Variants in MRPS28 observed in about 807,000 individuals in gnomAD.
MRPS28 encodes the protein mitochondrial ribosomal protein S28, also known as small ribosomal subunit protein bS1m.
In MRPS28, 7 loss-of-function variants were observed where a neutral mutation model predicts 10.8. That is an observed-to-expected ratio of 0.65 (90% CI 0.37 to 1.22). The LOEUF (loss-of-function observed/expected upper bound fraction) is 1.22. Among genes scored for constraint, MRPS28 ranks in the 50% most tolerant of loss-of-function variants. The pLI, the probability that MRPS28 is intolerant of heterozygous loss-of-function variation, is 0.02. For synonymous variants in MRPS28, 121 were observed against 93.3 expected (o/e 1.30, Z -1.71); for missense variants, 265 against 232.9 (o/e 1.14, Z -0.90).
intron 1 of MRPS28, among the ~76,000 whole-genome samples, chr8:80,011,137 T>TTA (rs1563542259): frequency 1.4e-5 from 2 of 147,228 alleles, no homozygotes; most frequent in African/African-American, 5.2e-5. Context: ...ATTTTTTTAT[T>TTA]TTTATTTTTT....
chr8:79,982,228 C>G (rs1037522985), intron 2 of MRPS28, among the ~76,000 whole-genome samples: 2 of 152,172 alleles, frequency 1.3e-5, no homozygotes, highest in Admixed American at 6.5e-5. Flanking sequence ...GCCTGGGCAA[C>G]TGAGTGAGAC....
chr8:79,961,191 G>A (rs561134756), intron 2 of MRPS28, among the ~76,000 whole-genome samples: 1 of 152,232 alleles, frequency 6.6e-6, no homozygotes, highest in Admixed American at 6.5e-5. Context: ...TGATATCAGA[G>A]ATCTCTACTT....
At chr8:79,996,875 G>A (rs1227361411) in intron 2 of MRPS28, among the ~76,000 whole-genome samples, 1 of 152,188 alleles carries the variant, frequency 6.6e-6, no homozygotes, top group African/African-American at 2.4e-5. Flanking sequence ...ACAGCGGGGT[G>A]AAAAGAAAAT....
chr8:80,029,714 A>G (rs955381247), intron 1 of MRPS28: 16 of 1,411,126 alleles, frequency 1.1e-5, no homozygotes, highest in Non-Finnish European at 1.4e-5. Flanking sequence ...TTAGCGTCCC[A>G]GGAATCGCCC....
intron 2 of MRPS28, among the ~76,000 whole-genome samples, chr8:79,941,388 T>A (rs1806761755): frequency 6.6e-6 from 1 of 152,202 alleles, no homozygotes; most frequent in Non-Finnish European, 1.5e-5. Flanking sequence ...CAAAAAGATG[T>A]AACTATTATT....
At chr8:79,998,386 A>G (rs1808565980) in intron 2 of MRPS28, among the ~76,000 whole-genome samples, 1 of 152,200 alleles carries the variant, frequency 6.6e-6, no homozygotes, top group Non-Finnish European at 1.5e-5. Flanking sequence ...GGCTGGTACT[A>G]TAAGGTCCCA....
chr8:79,975,624 A>G lies in MRPS28; in HGVS notation c.395+27375T>C, dbSNP rs78655472. Among the ~76,000 whole-genome samples the G allele has an allele frequency of 8.5e-4, 129 of 152,340 alleles. 5 individuals are homozygous for G. In the East Asian group the frequency reaches 0.023, roughly 27 times the overall value. On this transcript the variant is annotated intron_variant, in intron 2 of 2. Transcript: ENST00000276585. ...TACAAAATTCATTTAAGAATTAAATAAACGGCCAAACGTTCAACATTGCTA... is the reference window on the plus strand; with the variant it reads ...TACAAAATTCATTTAAGAATTAAATGAACGGCCAAACGTTCAACATTGCTA...
At chr8:79,969,413 GA>G (rs1807575656) in intron 2 of MRPS28, among the ~76,000 whole-genome samples, 1 of 152,028 alleles carries the variant, frequency 6.6e-6, no homozygotes, top group Admixed American at 6.6e-5. Flanking sequence ...ACTGTATAAA[GA>G]ACTGAAAAAT....
chr8:79,989,636 T>C (rs1038178536), intron 2 of MRPS28, among the ~76,000 whole-genome samples: 2 of 152,208 alleles, frequency 1.3e-5, no homozygotes, highest in African/African-American at 4.8e-5. Context: ...CCCCGCAACA[T>C]TTCTTCAAGG....
intron 2 of MRPS28, among the ~76,000 whole-genome samples, chr8:79,962,494 C>CA (rs1405433268): frequency 1.3e-5 from 2 of 152,046 alleles, no homozygotes; most frequent in Non-Finnish European, 2.9e-5. Context: ...CAGAAAGTAT[C>CA]AAAAAATTAG....
intron 2 of MRPS28, among the ~76,000 whole-genome samples, chr8:79,998,669 C>G (rs181232331): frequency 1.6e-4 from 24 of 152,292 alleles, no homozygotes; most frequent in Non-Finnish European, 2.8e-4. Context: ...GAAAGTAGGG[C>G]CCAACTGCCC....
chr8:79,938,235 G>A (rs572545343), intron 2 of MRPS28, among the ~76,000 whole-genome samples: 1 of 151,422 alleles, frequency 6.6e-6, no homozygotes, highest in African/African-American at 2.4e-5. Context: ...TAGGTGGGGG[G>A]GGGCATGCTC....
At chr8:79,962,449 AC>A (rs1205425248) in intron 2 of MRPS28, among the ~76,000 whole-genome samples, 1 of 152,168 alleles carries the variant, frequency 6.6e-6, no homozygotes. Flanking sequence ...GTAACCATCC[AC>A]TTAGAAAGAT....
At chr8:79,981,497 G>C (rs1427613878) in intron 2 of MRPS28, among the ~76,000 whole-genome samples, 1 of 152,190 alleles carries the variant, frequency 6.6e-6, no homozygotes, top group Non-Finnish European at 1.5e-5. Flanking sequence ...TAAAGAGTTT[G>C]TGTTTAGCTG....
chr8:79,970,222 T>A lies in MRPS28; in HGVS notation c.395+32777A>T, dbSNP rs114421005. 5.6e-3 allele frequency among the ~76,000 whole-genome samples: 851 copies of A among 152,268 alleles called. 8 individuals are homozygous for A. Among genetic ancestry groups the A allele is most frequent in the African/African-American group, 0.02 (818 of 41,564 alleles). ...TGACCTCCAGATCACGGGTTTTTTT[T>A]ACCTAGATTCAAGGATACCTAAAGG... On this transcript the variant is annotated intron_variant, in intron 2 of 2. Transcript: ENST00000276585.
intron 2 of MRPS28, among the ~76,000 whole-genome samples, chr8:79,921,073 C>T (rs1810079590): frequency 6.6e-6 from 1 of 152,130 alleles, no homozygotes; most frequent in African/African-American, 2.4e-5. Flanking sequence ...TTGTTTTTGT[C>T]AGGTTTGTCA....
chr8:79,955,507 G>C (rs1407092876), intron 2 of MRPS28, among the ~76,000 whole-genome samples: 1 of 152,044 alleles, frequency 6.6e-6, no homozygotes, highest in East Asian at 1.9e-4. Flanking sequence ...CTTACCCTCA[G>C]CTTCCAATAA....
intron 2 of MRPS28, chr8:79,958,197 T>A (rs976440816): frequency 1.9e-6 from 1 of 540,472 alleles, no homozygotes; most frequent in Admixed American, 3.6e-5. Flanking sequence ...GGATGACTAA[T>A]CTACTTTCTG....
chr8:80,011,530 G>A (rs1173885646), intron 1 of MRPS28, among the ~76,000 whole-genome samples: 1 of 151,948 alleles, frequency 6.6e-6, no homozygotes, highest in Non-Finnish European at 1.5e-5. Context: ...AAGGTGGGTG[G>A]ATCACTTGAA....
Sources: allele counts gnomAD v4.1 joint callset (sites outside exome capture counted in the v4.1 genomes callset), GRCh38; gene constraint gnomAD v4.1.1; transcripts MANE v1.5; gene names NCBI Gene and HGNC (gene_info 2026-07-23, HGNC 2026-07-21).